Variants in USP1 observed in about 807,000 individuals in gnomAD.
USP1 encodes the protein ubiquitin specific peptidase 1.
In USP1, 18 loss-of-function variants were observed where a neutral mutation model predicts 72.2. The ratio of observed to expected loss-of-function variants is 0.25; its 90% confidence interval spans 0.17 to 0.37. The LOEUF (loss-of-function observed/expected upper bound fraction) is 0.37, where lower values mean the gene tolerates loss of function less well. USP1 is among the 10% of genes least tolerant of loss of function. The pLI is 1.00. For missense variants in USP1, 759 were observed against 884.9 expected (o/e 0.86, Z 1.81); for synonymous variants, 354 against 303.7 (o/e 1.17, Z -1.72).
rs572115779 is a variant in USP1 at position 62,448,736 on chromosome 1, C to T, written c.1622+70C>T. The T allele has an allele frequency of 2.8e-4, 400 of 1,452,910 alleles. 4 individuals are homozygous for T. In the South Asian group the frequency reaches 4.5e-3, roughly 16 times the overall value. 90.0% of individuals were successfully genotyped at this position (1,452,910 alleles called of 1,614,324 possible). ...TAGAAGATAAGTCTTGTTCAAAATG[C>T]TGTAATAGTAGGAATATAAAGTACT... On this transcript the variant is annotated intron_variant, in intron 8 of 8. Coordinates refer to ENST00000339950, the MANE Select transcript of USP1 (RefSeq NM_003368.5).
chr1:62,446,296 T>C (rs1436787790), intron 6 of USP1, among the ~76,000 whole-genome samples: 3 of 151,706 alleles, frequency 2.0e-5, no homozygotes, highest in African/African-American at 4.9e-5. Flanking sequence ...CTGGAAGAAG[T>C]GTCTTGGGCC....
In USP1 at chr1:62,444,856, G is replaced by A; in HGVS notation, c.676G>A (p.Val226Met). 6.2e-7 allele frequency: 1 copy of A among 1,613,308 alleles called. No individual in the cohort carries two copies. Reference protein sequence around the residue: ...QLLKKEEVKNVAELPTKVEEI... With the variant: ...QLLKKEEVKNMAELPTKVEEI... ...CCTAAAAAAAGAAGAAGTAAAAAAT[G>A]TGGCAGAATTACCTACTAAGGTAGA... The change falls in exon 6 of 9, where the codon GTG becomes ATG. Residue 226 changes from valine (V) to methionine (M), a missense_variant. Physicochemically the swap from Val to Met is conservative, Grantham distance 21. Around this residue, in one of 9 missense-constraint regions of USP1, gnomAD observed 245 missense variants for 240.7 expected, o/e 1.02. Transcript: ENST00000339950.
chr1:62,442,255 A>G lies in USP1; in HGVS notation c.352A>G (p.Arg118Gly). 6.2e-7 allele frequency: 1 copy of G among 1,606,148 alleles called. No individual in the cohort carries two copies. Among genetic ancestry groups the G allele is most frequent in the Non-Finnish European group, 8.5e-7 (1 of 1,174,766 alleles). ...AAAGCACTTATTTAATATTATTTCA[A>G]GGAAGAAAGAAGCTCTAAAGGATGA... ...GVKHLFNIISRKKEALKDEAN... is the reference protein window; with the variant it reads ...GVKHLFNIISGKKEALKDEAN... Residue 118 changes from arginine to glycine, a missense_variant, in exon 4 of 9, where the codon AGG becomes GGG. Around this residue, in one of 9 missense-constraint regions of USP1, gnomAD observed 71 missense variants for 71.0 expected, o/e 1.00. Transcript: ENST00000339950.
chr1:62,441,262 G>C (rs1218258612), intron 2 of USP1, among the ~76,000 whole-genome samples: 1 of 152,114 alleles, frequency 6.6e-6, no homozygotes, highest in Non-Finnish European at 1.5e-5. Context: ...TAAGGGAATT[G>C]TTCTGTGGCT....
chr1:62,440,958 G>GC (rs1308643062), intron 2 of USP1, among the ~76,000 whole-genome samples: 2 of 151,732 alleles, frequency 1.3e-5, no homozygotes, highest in African/African-American at 4.9e-5. Flanking sequence ...ACATGTCAAT[G>GC]CCCCCACACC....
At chr1:62,443,709 T>C (rs1218311640) in intron 5 of USP1, among the ~76,000 whole-genome samples, 1 of 152,200 alleles carries the variant, frequency 6.6e-6, no homozygotes, top group African/African-American at 2.4e-5. Context: ...GTCCTAAGGA[T>C]TTCACATTAA....
At chr1:62,448,028 C>T (rs537701565) in intron 7 of USP1, among the ~76,000 whole-genome samples, 13 of 152,218 alleles carry the variant, frequency 8.5e-5, no homozygotes, top group African/African-American at 3.1e-4. Flanking sequence ...CCTCGTGATC[C>T]GCCCGCCTTG....
At position 62,445,389 on chromosome 1, in the gene USP1, T is replaced by C. The variant is rs770558810; in HGVS notation, c.1209T>C (p.Val403=). The C allele has an allele frequency of 6.9e-6, 11 of 1,592,946 alleles. No individual in the cohort carries two copies. In the South Asian group the frequency reaches 9.2e-5, roughly 13 times the overall value. ...GACTTGAATCTCCAGGAAATACTGT[T>C]ACACCTGTAAATGTTAATGAAGTTA... is the stretch of plus-strand genomic sequence containing the variant. The part of the protein sequence containing the change: ...GCGLESPGNT[V]TPVNVNEVKP... Residue 403 remains valine (V), a synonymous_variant, in exon 6 of 9, where the codon GTT becomes GTC. Coordinates refer to ENST00000339950, the MANE Select transcript of USP1 (RefSeq NM_003368.5).
chr1:62,445,001 A>G lies in USP1; in HGVS notation c.821A>G (p.Asp274Gly). Residue 274 changes from aspartate (D) to glycine (G), a missense_variant, in exon 6 of 9, where the codon GAC (aspartate) becomes GGC (glycine). Asp to Gly is a moderately conservative substitution (Grantham distance 94). Around this residue, in one of 9 missense-constraint regions of USP1, gnomAD observed 245 missense variants for 240.7 expected, o/e 1.02. Coordinates refer to ENST00000339950, the MANE Select transcript of USP1 (RefSeq NM_003368.5). ...LPKGNGKRKS[D>G]TEFGNMKKKV... The stretch of plus-strand genomic sequence containing the variant: ...AAAGGAAATGGGAAAAGAAAAAGTG[A>G]CACTGAATTTGGTAACATGAAGAAA... The G allele has an allele frequency of 6.2e-7, 1 of 1,613,692 alleles. No individual in the cohort carries two copies. The highest frequency in any genetic ancestry group is 8.5e-7 in the Non-Finnish European group (1 of 1,179,886).
intron 7 of USP1, among the ~76,000 whole-genome samples, chr1:62,447,980 G>A (rs979662891): frequency 5.9e-5 from 9 of 152,084 alleles, no homozygotes; most frequent in African/African-American, 1.9e-4. Context: ...TAGAGACGGG[G>A]TTTCACCATG....
intron 4 of USP1, 128 bp from the exon 5 acceptor site, chr1:62,443,031 A>G: frequency 1.0e-6 from 1 of 983,756 alleles, no homozygotes; most frequent in Admixed American, 2.8e-5. Flanking sequence ...GCTTATTTGT[A>G]CATCCCTTAA....
rs989211267 is a variant in USP1 at position 62,447,555 on chromosome 1, A to G, written c.1420+44A>G. The G allele has an allele frequency of 1.9e-6, 3 of 1,566,796 alleles. No homozygotes were observed. In the Admixed American group the frequency reaches 6.0e-5, roughly 32 times the overall value. On this transcript the variant is annotated intron_variant, in intron 7 of 8. Coordinates refer to ENST00000339950, the MANE Select transcript of USP1 (RefSeq NM_003368.5). Reference sequence around the variant, plus strand: ...TTGTGTGGACCATGATGGAATATTTATAATTCTTTAACAACACAAAGTTTA... The same window carrying G: ...TTGTGTGGACCATGATGGAATATTTGTAATTCTTTAACAACACAAAGTTTA...
chr1:62,450,936 A>C lies in USP1; in HGVS notation c.2313A>C (p.Thr771=). ...KDFLNSLSPS[T]SPTSTPYLLF... ...TTCTGAATTCTCTTTCCCCTTCTACATCTCCTACTTCTACTCCTTACTTGC... is the reference window on the plus strand; with the variant it reads ...TTCTGAATTCTCTTTCCCCTTCTACCTCTCCTACTTCTACTCCTTACTTGC... The change falls in exon 9 of 9, where the codon ACA becomes ACC. Residue 771 remains threonine, a synonymous_variant. Transcript: ENST00000339950. 1 of 1,610,986 alleles carries C rather than the reference A, an allele frequency of 6.2e-7. No homozygotes were observed. Among genetic ancestry groups the C allele is most frequent in the East Asian group, 2.2e-5 (1 of 44,820 alleles).
intron 6 of USP1, among the ~76,000 whole-genome samples, chr1:62,446,575 A>C (rs886860388): frequency 6.6e-6 from 1 of 152,230 alleles, no homozygotes; most frequent in Non-Finnish European, 1.5e-5. Context: ...GACTACTGTC[A>C]TATGCGGTCC....
At position 62,437,124 on chromosome 1, in the gene USP1, C is replaced by T; in HGVS notation, c.-346C>T. On this transcript the variant is annotated 5_prime_UTR_variant, in exon 1 of 9. Coordinates refer to ENST00000339950, the MANE Select transcript of USP1 (RefSeq NM_003368.5). ...TTCAGGCGTTCGGCGAGCGGGGCCG[C>T]TGCTTGTTGCGCTCCTGGCTCTCCC... is the stretch of plus-strand genomic sequence containing the variant. The T allele has an allele frequency of 2.5e-6, 1 of 399,192 alleles. No individual in the cohort carries two copies. The highest frequency in any genetic ancestry group is 4.4e-5 in the Admixed American group (1 of 22,742). The allele number at this position is 399,192 out of a possible 1,614,324, so 24.7% of individuals were successfully genotyped here. A position where few individuals can be genotyped will look rare whatever the true frequency, so the allele number is the denominator to read the frequency against.
At chr1:62,447,109 G>A (rs757664940) in intron 6 of USP1, among the ~76,000 whole-genome samples, 13 of 152,232 alleles carry the variant, frequency 8.5e-5, no homozygotes, top group Admixed American at 3.9e-4. Flanking sequence ...CACTGTGCCC[G>A]GCCTACAACT....
chr1:62,436,888 C>T (rs1645091284), upstream of USP1: 3 of 384,916 alleles, frequency 7.8e-6, no homozygotes, highest in Non-Finnish European at 1.4e-5. Flanking sequence ...CAGCTGGCTC[C>T]GGAGCCCGTG....
rs371323916 is a variant in USP1, at chr1:62,445,247, G to T, written c.1067G>T (p.Cys356Phe). ...TKQPSILSKFCSLGKITTNQG... is the reference protein window; with the variant it reads ...TKQPSILSKFFSLGKITTNQG... The stretch of plus-strand genomic sequence containing the variant: ...CAACCCAGCATTCTTTCTAAATTTT[G>T]TAGTCTGGGAAAAATAACAACAAAC... The change falls in exon 6 of 9, where the codon TGT becomes TTT. Residue 356 changes from cysteine (C) to phenylalanine (F), a missense_variant. By Grantham distance (205) the Cys-to-Phe change is radical. This residue lies in a region of USP1 where 245 missense variants were observed against 240.7 expected (regional missense o/e 1.02). Transcript: ENST00000339950. The T allele has an allele frequency of 2.5e-6, 4 of 1,612,034 alleles. No homozygotes were observed. The highest frequency in any genetic ancestry group is 2.2e-5 in the South Asian group (2 of 90,400).
intron 1 of USP1, 67 bp from the exon 2 acceptor site, chr1:62,439,732 A>C: frequency 2.6e-6 from 2 of 755,210 alleles, no homozygotes; most frequent in Non-Finnish European, 3.8e-6. Context: ...ATTTGTTTTC[A>C]AAATTGATGA....
Sources: gnomAD v4.1 joint callset for allele counts (sites outside exome capture counted in the v4.1 genomes callset) on GRCh38, gnomAD v4.1.1 for gene constraint, gnomAD v4.1.1 regional missense constraint, MANE v1.5 for transcripts, NCBI Gene and HGNC (gene_info 2026-07-23, HGNC 2026-07-21) for gene names.